The following N4BP2 variants were observed in gnomAD, a reference collection of about 807,000 sequenced individuals.
N4BP2 encodes the protein NEDD4 binding protein 2, also known as NEDD4-binding protein 2.
Under a neutral mutation model 152.8 loss-of-function variants are expected in N4BP2, and 91 were observed. The ratio of observed to expected loss-of-function variants is 0.60; its 90% CI spans 0.50 to 0.71. The LOEUF is 0.71. N4BP2 is among the 30% of genes least tolerant of loss of function. The pLI, the probability that N4BP2 is intolerant of heterozygous loss-of-function variation, is 0.00. For missense variants in N4BP2, 1,923 were observed against 2,059.1 expected (o/e 0.93, Z 1.28); for synonymous variants, 646 against 705.3 (o/e 0.92, Z 1.33).
chr4:40,104,031 T>C (rs1715986437), intron 4 of N4BP2, among the ~76,000 whole-genome samples: 1 of 152,100 alleles, frequency 6.6e-6, no homozygotes, highest in South Asian at 2.1e-4. Context: ...CTCGGCTCAC[T>C]GCAAGCTCCG....
In N4BP2 at chr4:40,105,684, C is replaced by T. The variant is rs182634181; in HGVS notation, c.1374-1216C>T. 1.1e-4 allele frequency among the ~76,000 whole-genome samples: 16 copies of T among 151,774 alleles called. No homozygotes were observed. The East Asian group carries it at 2.5e-3, about 24-fold the overall frequency. ...CCTGCCTTGGCCTCCTGAGTAGCTA[C>T]GACTACAGGCATGGGCCCACCACAC... On this transcript the variant is annotated intron_variant, in intron 4 of 17. Coordinates refer to ENST00000261435, the MANE Select transcript of N4BP2 (RefSeq NM_018177.6).
the N4BP2 span, among the ~76,000 whole-genome samples, chr4:40,179,819 C>A: frequency 7.4e-6 from 1 of 135,338 alleles, no homozygotes; most frequent in Non-Finnish European, 1.5e-5. Context: ...GGCTGGAGTG[C>A]AGTGGAGTGA....
intron 2 of N4BP2, among the ~76,000 whole-genome samples, chr4:40,084,952 G>A (rs544011714): frequency 6.2e-5 from 8 of 129,982 alleles, no homozygotes; most frequent in Non-Finnish European, 9.5e-5. Flanking sequence ...TCGCTGTGTC[G>A]CCCAGGCTAG....
At chr4:40,082,721 G>A (rs1713512831) in intron 2 of N4BP2, among the ~76,000 whole-genome samples, 1 of 149,146 alleles carries the variant, frequency 6.7e-6, no homozygotes, top group Admixed American at 6.7e-5. Context: ...TTTTTTTTGA[G>A]ACAGAGTCTT....
chr4:40,099,689 A>T (rs13121509), intron 3 of N4BP2, among the ~76,000 whole-genome samples: 30,505 of 151,894 alleles, frequency 0.2, 3,425 homozygotes, highest in Admixed American at 0.26. Flanking sequence ...TTGAAAAAAA[A>T]TTTTTTTATA....
At chr4:40,076,649 T>C (rs947336594) in intron 2 of N4BP2, among the ~76,000 whole-genome samples, 2 of 152,026 alleles carry the variant, frequency 1.3e-5, no homozygotes, top group Non-Finnish European at 2.9e-5. Context: ...CCACCACGCC[T>C]GGCTAATTTT....
downstream of N4BP2, among the ~76,000 whole-genome samples, chr4:40,159,307 A>T (rs1721792378): frequency 6.6e-6 from 1 of 152,230 alleles, no homozygotes; most frequent in Non-Finnish European, 1.5e-5. Flanking sequence ...TTCTTCCTTT[A>T]TACGAAAGCT....
rs1445562982 is a variant in N4BP2, at chr4:40,157,445, C to A, written c.*3208C>A. The stretch of plus-strand genomic sequence containing the variant: ...TATTTAGGTCTTTTCTTTTTGAATT[C>A]AAGTGTTTTGTATGCTTAGAAAGTA... On this transcript the variant is annotated 3_prime_UTR_variant, in exon 18 of 18. Transcript: ENST00000261435. 6.6e-6 allele frequency: 1 copy of A among 151,892 alleles called. No individual in the cohort carries two copies. The highest frequency in any genetic ancestry group is 1.5e-5 in the Non-Finnish European group (1 of 67,946). The allele number at this position is 151,892 out of a possible 1,614,324, so 9.4% of individuals were successfully genotyped here.
intron 11 of N4BP2, among the ~76,000 whole-genome samples, chr4:40,125,886 C>T (rs1169856029): frequency 1.9e-5 from 2 of 103,314 alleles, no homozygotes; most frequent in South Asian, 6.9e-4. Context: ...GACTCCGTCT[C>T]AAAAAAAAAA....
the N4BP2 span, among the ~76,000 whole-genome samples, chr4:40,163,485 A>G: frequency 6.6e-6 from 1 of 152,250 alleles, no homozygotes; most frequent in Non-Finnish European, 1.5e-5. Flanking sequence ...GAGGATGGAT[A>G]TATGATCATA....
Position 40,115,742 on chromosome 4 carries a change from CATTT to C in N4BP2, c.1665-2124_1665-2121del, listed in dbSNP as rs1208381743. Reference sequence around the variant, plus strand: ...TTGTGTAGTTTGTATGATTCACTGACATTTATAAGATTTTTTTGGCCTAGTTAAG... The same window carrying C: ...TTGTGTAGTTTGTATGATTCACTGACATAAGATTTTTTTGGCCTAGTTAAG... On this transcript the variant is annotated intron_variant, in intron 7 of 17. Transcript: ENST00000261435. Among the ~76,000 whole-genome samples the C allele has an allele frequency of 3.9e-5, 6 of 152,076 alleles. No individual in the cohort carries two copies. In the East Asian group the frequency reaches 9.6e-4, roughly 24 times the overall value.
chr4:40,182,568 A>G, the N4BP2 span, among the ~76,000 whole-genome samples: 1 of 152,014 alleles, frequency 6.6e-6, no homozygotes, highest in Admixed American at 6.6e-5. Context: ...CTCCCACCTC[A>G]GTGCCCAAGA....
intron 8 of N4BP2, 65 bp from the exon 9 acceptor site, chr4:40,119,867 A>T: frequency 1.4e-6 from 1 of 730,152 alleles, no homozygotes; most frequent in Non-Finnish European, 2.2e-6. Context: ...ATGCTTCTTT[A>T]AATCATAGTA....
chr4:40,171,496 G>A, the N4BP2 span, among the ~76,000 whole-genome samples: 1 of 152,120 alleles, frequency 6.6e-6, no homozygotes, highest in East Asian at 1.9e-4. Flanking sequence ...ATGTGGCTGG[G>A]TGTTATGGCT....
intron 12 of N4BP2, 52 bp downstream of exon 12, chr4:40,126,382 G>T (rs113593567): frequency 2.3e-6 from 2 of 856,366 alleles, no homozygotes; most frequent in East Asian, 5.9e-5. Flanking sequence ...GGTTTATTGT[G>T]TATGTTTACT....
At position 40,157,291 on chromosome 4, in the gene N4BP2, A is replaced by G. The variant is rs1045254778; in HGVS notation, c.*3054A>G. ...TTCTTCAATTGGTTAGTATTTCCAT[A>G]CTATTTGCAACTTTATGGCCTTTAA... On this transcript the variant is annotated 3_prime_UTR_variant, in exon 18 of 18. Transcript: ENST00000261435. 1.4e-4 allele frequency: 22 copies of G among 151,802 alleles called. No individual in the cohort carries two copies. Among genetic ancestry groups the G allele is most frequent in the African/African-American group, 5.3e-4 (22 of 41,306 alleles). The allele number at this position is 151,802 out of a possible 1,614,324, so 9.4% of individuals were successfully genotyped here.
intron 1 of N4BP2, among the ~76,000 whole-genome samples, chr4:40,067,795 T>C (rs1319013060): frequency 6.6e-6 from 1 of 152,148 alleles, no homozygotes; most frequent in African/African-American, 2.4e-5. Context: ...GCGTCCCAGG[T>C]TCAAGTGATT....
chr4:40,186,574 G>T, the N4BP2 span, among the ~76,000 whole-genome samples: 3,327 of 152,302 alleles, frequency 0.022, 139 homozygotes, highest in African/African-American at 0.076. Flanking sequence ...CAGGACTGGG[G>T]ACCCCTGACC....
the N4BP2 span, among the ~76,000 whole-genome samples, chr4:40,165,052 C>T: frequency 6.6e-6 from 1 of 151,906 alleles, no homozygotes; most frequent in Non-Finnish European, 1.5e-5. Flanking sequence ...TAATTTTTGG[C>T]AGTGGGTTAC....
Sources: allele counts gnomAD v4.1 joint callset (sites outside exome capture counted in the v4.1 genomes callset), GRCh38; gene constraint gnomAD v4.1.1; transcripts MANE v1.5; gene names NCBI Gene and HGNC (gene_info 2026-07-23, HGNC 2026-07-21).